The following ENPP6 variants were observed in gnomAD, a reference collection of about 807,000 sequenced individuals.
ENPP6 encodes ectonucleotide pyrophosphatase/phosphodiesterase 6.
A neutral mutation model predicts 42.0 loss-of-function variants in ENPP6; 32 were observed. The ratio of observed to expected loss-of-function variants is 0.76; its 90% CI spans 0.58 to 1.02. ENPP6 has a LOEUF of 1.02. ENPP6 is among the 50% of genes least tolerant of loss of function. The pLI, the probability that ENPP6 is intolerant of heterozygous loss-of-function variation, is 0.00. For synonymous variants in ENPP6, 213 were observed against 216.0 expected (o/e 0.99, Z 0.12); for missense variants, 552 against 566.8 (o/e 0.97, Z 0.27).
chr4:184,208,807 A>G lies in ENPP6; in HGVS notation c.241+8772T>C, dbSNP rs1480822726. 9.1e-5 allele frequency among the ~76,000 whole-genome samples: 13 copies of G among 142,922 alleles called. 1 individual carries two copies. The highest frequency in any genetic ancestry group is 7.8e-5 in the Non-Finnish European group (5 of 63,918). The allele number at this position is 142,922 out of a possible 152,430, so 93.8% of individuals were successfully genotyped here. On this transcript the variant is annotated intron_variant, in intron 1 of 7. Transcript: ENST00000296741. ...GGGCAGGGCACAGACAAACAAAAAGACAGCAGTAACCTCTGCAGACTTAAA... is the reference window on the plus strand; with the variant it reads ...GGGCAGGGCACAGACAAACAAAAAGGCAGCAGTAACCTCTGCAGACTTAAA...
chr4:184,130,466 G>A (rs1169741639), intron 2 of ENPP6, among the ~76,000 whole-genome samples: 1 of 87,374 alleles, frequency 1.1e-5, no homozygotes, highest in Non-Finnish European at 2.6e-5. Context: ...GCTGAGGCAG[G>A]AGAATGGCGT....
chr4:184,112,548 C>T (rs941353435), intron 6 of ENPP6, 124 bp downstream of exon 6: 15 of 1,192,666 alleles, frequency 1.3e-5, no homozygotes, highest in Admixed American at 2.9e-5. Flanking sequence ...AAAGACATAA[C>T]GCAACAAACG....
chr4:184,130,902 CTATT>C (rs1352158629), intron 2 of ENPP6, among the ~76,000 whole-genome samples: 3 of 152,184 alleles, frequency 2.0e-5, no homozygotes, highest in Admixed American at 6.5e-5. Context: ...GACTGTATCA[CTATT>C]TATCTATCCT....
At chr4:184,124,040 A>T in intron 3 of ENPP6, 121 bp downstream of exon 3, 1 of 712,508 alleles carries the variant, frequency 1.4e-6, no homozygotes, top group Non-Finnish European at 2.3e-6. Context: ...ACTATGCAAG[A>T]CTCTCACCAA....
At chr4:184,106,173 T>C (rs966070076) in intron 6 of ENPP6, among the ~76,000 whole-genome samples, 2 of 152,092 alleles carry the variant, frequency 1.3e-5, no homozygotes, top group African/African-American at 4.8e-5. Flanking sequence ...TAGCTGGGAT[T>C]ACAGGCACAT....
chr4:184,217,750 G>C lies in ENPP6; in HGVS notation c.70C>G (p.Arg24Gly), dbSNP rs1338568059. Residue 24 changes from arginine to glycine, a missense_variant, in exon 1 of 8, where the codon CGG becomes GGG. This residue lies in a region of ENPP6 where 545 missense variants were observed against 546.3 expected (regional missense o/e 1.00). Transcript: ENST00000296741. ...TCCAGCAGAAACACCAGCAGCTTCC[G>C]GCGGGCAGAGGCTGGCTGGGCCAGG... ...LGLAQPASAR[R>G]KLLVFLLDGF... 2.5e-6 allele frequency: 4 copies of C among 1,614,152 alleles called. No individual in the cohort carries two copies. The highest frequency in any genetic ancestry group is 2.2e-5 in the East Asian group (1 of 44,878).
intron 1 of ENPP6, among the ~76,000 whole-genome samples, chr4:184,156,924 C>T (rs928392435): frequency 2.6e-5 from 4 of 152,314 alleles, no homozygotes; most frequent in South Asian, 4.1e-4. Context: ...TCACATCTCA[C>T]GAGAAGGTAG....
intron 7 of ENPP6, among the ~76,000 whole-genome samples, chr4:184,092,243 G>T (rs188358331): frequency 6.6e-6 from 1 of 152,136 alleles, no homozygotes; most frequent in Non-Finnish European, 1.5e-5. Context: ...CTCGGTGCTC[G>T]CTAGCTCAGC....
rs766595682 is a variant in ENPP6, at chr4:184,097,383, G to C, written c.994-15C>G. ...ATCTCTCGATTCTGAAACCAAGCAA[G>C]GCAGACACATGACACTACGTCCTGA... On this transcript the variant is annotated splice_polypyrimidine_tract_variant and intron_variant, in intron 6 of 7. Transcript: ENST00000296741. 6.2e-7 allele frequency: 1 copy of C among 1,613,728 alleles called. No homozygotes were observed. The highest frequency in any genetic ancestry group is 8.5e-7 in the Non-Finnish European group (1 of 1,179,928).
chr4:184,172,363 G>T (rs1737483980), intron 1 of ENPP6, among the ~76,000 whole-genome samples: 1 of 152,106 alleles, frequency 6.6e-6, no homozygotes, highest in African/African-American at 2.4e-5. Context: ...GCCAACACCT[G>T]CCTCCTGAAG....
chr4:184,217,303 A>G (rs1733212709), intron 1 of ENPP6, among the ~76,000 whole-genome samples: 1 of 152,130 alleles, frequency 6.6e-6, no homozygotes, highest in Non-Finnish European at 1.5e-5. Flanking sequence ...ATAAACGACC[A>G]CTTTTAATAT....
intron 6 of ENPP6, among the ~76,000 whole-genome samples, chr4:184,098,835 C>T (rs1304951662): frequency 6.6e-6 from 1 of 152,224 alleles, no homozygotes; most frequent in Non-Finnish European, 1.5e-5. Flanking sequence ...ACGGCCCATC[C>T]TTGCTAGGCA....
At chr4:184,105,063 G>A (rs11132223) in intron 6 of ENPP6, among the ~76,000 whole-genome samples, 49,743 of 152,096 alleles carry the variant, frequency 0.33, 9,542 homozygotes, top group East Asian at 0.52. Context: ...TTATTTATTA[G>A]GCTGATTGAA....
In ENPP6 at chr4:184,124,285, A is replaced by T; in HGVS notation, c.422-13T>A. The T allele has an allele frequency of 6.3e-7, 1 of 1,597,162 alleles. No individual in the cohort carries two copies. The highest frequency in any genetic ancestry group is 8.6e-7 in the Non-Finnish European group (1 of 1,165,228). On this transcript the variant is annotated splice_polypyrimidine_tract_variant and intron_variant, in intron 2 of 7. Transcript: ENST00000296741. The stretch of plus-strand genomic sequence containing the variant: ...TCAACCTCACAGCCTGAGAAGGAAA[A>T]AGATGGCAAATAGTTACTCTCTTCA...
chr4:184,098,313 T>C (rs1735945658), intron 6 of ENPP6, among the ~76,000 whole-genome samples: 2 of 152,336 alleles, frequency 1.3e-5, no homozygotes, highest in Admixed American at 1.3e-4. Context: ...AGGCCCACTC[T>C]AACTCCAGGT....
At chr4:184,114,289 A>G (rs1316920624) in intron 5 of ENPP6, among the ~76,000 whole-genome samples, 1 of 152,218 alleles carries the variant, frequency 6.6e-6, no homozygotes, top group Non-Finnish European at 1.5e-5. Flanking sequence ...TAATAGTAGC[A>G]GCCACTTAAA....
intron 1 of ENPP6, among the ~76,000 whole-genome samples, chr4:184,202,775 T>G (rs1732925536): frequency 6.6e-6 from 1 of 152,222 alleles, no homozygotes; most frequent in Admixed American, 6.5e-5. Context: ...TGAGCTATTC[T>G]AAGACAGACG....
chr4:184,124,342 G>A, intron 2 of ENPP6, 70 bp from the exon 3 acceptor site: 1 of 1,099,394 alleles, frequency 9.1e-7, no homozygotes, highest in Non-Finnish European at 1.4e-6. Flanking sequence ...GCCTATTTCA[G>A]GAAGCAAACA....
chr4:184,094,973 T>A (rs145239288), intron 7 of ENPP6, among the ~76,000 whole-genome samples: 1 of 152,218 alleles, frequency 6.6e-6, no homozygotes, highest in East Asian at 1.9e-4. Context: ...GAGAAGCACA[T>A]ACAGTTAATC....
Sources: allele counts gnomAD v4.1 joint callset (sites outside exome capture counted in the v4.1 genomes callset), GRCh38; gene constraint gnomAD v4.1.1; regional missense constraint gnomAD v4.1.1; transcripts MANE v1.5; gene names NCBI Gene and HGNC (gene_info 2026-07-23, HGNC 2026-07-21).